VAT1L: variants seen among roughly 807,000 people sequenced by gnomAD.
VAT1L encodes the protein putative NADPH-dependent quinone oxidoreductase VAT1L.
A neutral mutation model predicts 44.1 loss-of-function variants in VAT1L; 34 were observed. The observed-to-expected ratio is 0.77, with a 90% confidence interval of 0.59 to 1.03. VAT1L has a LOEUF of 1.03. Ranked by LOEUF, VAT1L falls within the 50% of genes least tolerant of loss-of-function variation. The pLI, the probability that VAT1L is intolerant of heterozygous loss-of-function variation, is 0.00. For synonymous variants in VAT1L, 253 were observed against 202.2 expected (o/e 1.25, Z -2.13); for missense variants, 615 against 538.8 (o/e 1.14, Z -1.40).
intron 7 of VAT1L, among the ~76,000 whole-genome samples, chr16:77,900,908 T>C (rs1402492423): frequency 6.6e-6 from 1 of 152,026 alleles, no homozygotes; most frequent in East Asian, 1.9e-4. Flanking sequence ...ATTAAGGGCA[T>C]GTTATGATGC....
intron 2 of VAT1L, among the ~76,000 whole-genome samples, chr16:77,821,272 A>G (rs1425934269): frequency 6.6e-6 from 1 of 151,616 alleles, no homozygotes; most frequent in Non-Finnish European, 1.5e-5. Flanking sequence ...TATATAAGGA[A>G]TTAGGTGGAC....
intron 3 of VAT1L, among the ~76,000 whole-genome samples, chr16:77,861,074 C>A (rs546891232): frequency 6.6e-6 from 1 of 152,236 alleles, no homozygotes; most frequent in East Asian, 1.9e-4. Context: ...GATGATCTTC[C>A]AACTCTGACA....
Position 77,935,517 on chromosome 16 carries a change from C to G in VAT1L, c.1078-36333C>G, listed in dbSNP as rs990666969. Among the ~76,000 whole-genome samples, 7 of 136,074 alleles carry G rather than the reference C, an allele frequency of 5.1e-5. No individual in the cohort carries two copies. In the South Asian group the frequency reaches 7.2e-4, roughly 14 times the overall value. 89.3% of individuals were successfully genotyped at this position (136,074 alleles called of 152,430 possible). A position where few individuals can be genotyped will look rare whatever the true frequency, so the allele number is the denominator to read the frequency against. ...CGGTTTATAAAAAAAAAAAAAAAAA[C>G]TACCCTTATTCCAAATTTAAGAGGC... On this transcript the variant is annotated intron_variant, in intron 7 of 8. Transcript: ENST00000302536.
At chr16:77,790,751 G>A (rs1322302919) in intron 1 of VAT1L, among the ~76,000 whole-genome samples, 1 of 152,176 alleles carries the variant, frequency 6.6e-6, no homozygotes, top group Non-Finnish European at 1.5e-5. Context: ...TTCAGAGAGG[G>A]AAAATGATAA....
intron 3 of VAT1L, among the ~76,000 whole-genome samples, chr16:77,831,679 T>C (rs1168279993): frequency 6.6e-6 from 1 of 152,154 alleles, no homozygotes; most frequent in Admixed American, 6.5e-5. Flanking sequence ...AAAGGAGCTA[T>C]GAGAAATACA....
intron 7 of VAT1L, among the ~76,000 whole-genome samples, chr16:77,924,483 C>A (rs1349123481): frequency 6.6e-6 from 1 of 152,020 alleles, no homozygotes; most frequent in Admixed American, 6.6e-5. Flanking sequence ...TTTCCTGAGA[C>A]AGAGTCTTGC....
At chr16:77,865,476 C>A (rs986265927) in intron 4 of VAT1L, among the ~76,000 whole-genome samples, 1 of 152,136 alleles carries the variant, frequency 6.6e-6, no homozygotes, top group African/African-American at 2.4e-5. Flanking sequence ...TCCAGCAATG[C>A]CATCTTGAGA....
chr16:77,845,954 G>A (rs1045674280), intron 3 of VAT1L, among the ~76,000 whole-genome samples: 1 of 152,080 alleles, frequency 6.6e-6, no homozygotes, highest in African/African-American at 2.4e-5. Flanking sequence ...TATATCCCAG[G>A]CACTAATGTG....
In VAT1L at chr16:77,884,860, G is replaced by C; in HGVS notation, c.1077+58G>C. 2.8e-6 allele frequency: 4 copies of C among 1,416,740 alleles called. No homozygotes were observed. The South Asian group carries it at 4.8e-5, about 17-fold the overall frequency. The allele number at this position is 1,416,740 out of a possible 1,614,324, so 87.8% of individuals were successfully genotyped here. A position where few individuals can be genotyped will look rare whatever the true frequency, so the allele number is the denominator to read the frequency against. On this transcript the variant is annotated intron_variant, in intron 7 of 8. Coordinates refer to ENST00000302536, the MANE Select transcript of VAT1L (RefSeq NM_020927.3). The surrounding 1 kb of genome is among the most constrained non-coding windows in gnomAD (Gnocchi z 4.5). ...TCCTCTTTTTAACTCAGGAAGGTTT[G>C]GGCAGCCAAATACAATCTTCTACTA... is the stretch of plus-strand genomic sequence containing the variant.
chr16:77,795,685 C>T (rs534922618), intron 1 of VAT1L, among the ~76,000 whole-genome samples: 13 of 152,212 alleles, frequency 8.5e-5, no homozygotes, highest in African/African-American at 2.4e-5. Context: ...TCAGCGCAGA[C>T]GGGGAGGAAG....
In VAT1L at chr16:77,953,790, C is replaced by T. The variant is rs559312362; in HGVS notation, c.1078-18060C>T. On this transcript the variant is annotated intron_variant, in intron 7 of 8. Transcript: ENST00000302536. ...AGATTATGGGCATGAGCCATCTTGC[C>T]CAGCCTGATTTGCATGTCTTAATTT... Among the ~76,000 whole-genome samples the T allele has an allele frequency of 3.3e-5, 5 of 152,208 alleles. No individual in the cohort carries two copies. In the South Asian group the frequency reaches 1.0e-3, roughly 32 times the overall value.
chr16:77,797,679 T>A (rs755665704), intron 1 of VAT1L, among the ~76,000 whole-genome samples: 3 of 152,044 alleles, frequency 2.0e-5, no homozygotes, highest in Non-Finnish European at 4.4e-5. Flanking sequence ...TCACTGACAC[T>A]CAACACTGAC....
At chr16:77,852,390 T>G (rs1382679612) in intron 3 of VAT1L, among the ~76,000 whole-genome samples, 1 of 152,248 alleles carries the variant, frequency 6.6e-6, no homozygotes, top group East Asian at 1.9e-4. Flanking sequence ...GAGGGGGATC[T>G]GATCAGGCGT....
At chr16:77,945,645 A>G (rs1435409718) in intron 7 of VAT1L, among the ~76,000 whole-genome samples, 1 of 152,048 alleles carries the variant, frequency 6.6e-6, no homozygotes, top group East Asian at 1.9e-4. Context: ...CATATTCAAC[A>G]GAGACATTTA....
chr16:77,842,044 C>T (rs1039247219), intron 3 of VAT1L, among the ~76,000 whole-genome samples: 29 of 152,220 alleles, frequency 1.9e-4, no homozygotes, highest in Admixed American at 1.6e-3. Flanking sequence ...CCCGCCACCA[C>T]GCCTGGCTAA....
At chr16:77,811,776 C>T (rs1567472789) in intron 1 of VAT1L, among the ~76,000 whole-genome samples, 1 of 152,156 alleles carries the variant, frequency 6.6e-6, no homozygotes, top group Non-Finnish European at 1.5e-5. Context: ...TACTAGGTAA[C>T]AGAAAAGAAA....
At chr16:77,850,492 T>C (rs746528520) in intron 3 of VAT1L, among the ~76,000 whole-genome samples, 1 of 152,172 alleles carries the variant, frequency 6.6e-6, no homozygotes, top group African/African-American at 2.4e-5. Flanking sequence ...TTAGGATGAC[T>C]ATATGACCCT....
At chr16:77,809,968 G>C (rs576329453) in intron 1 of VAT1L, among the ~76,000 whole-genome samples, 1 of 152,136 alleles carries the variant, frequency 6.6e-6, no homozygotes, top group African/African-American at 2.4e-5. Flanking sequence ...ATTTTCACAG[G>C]CTACAAATCC....
chr16:77,809,793 GA>G (rs1361409483), intron 1 of VAT1L, among the ~76,000 whole-genome samples: 1 of 152,170 alleles, frequency 6.6e-6, no homozygotes, highest in Non-Finnish European at 1.5e-5. Flanking sequence ...AGAATCATGA[GA>G]GCTCCAGATT....
Sources: gnomAD v4.1 joint callset for allele counts (sites outside exome capture counted in the v4.1 genomes callset) on GRCh38, gnomAD v4.1.1 for gene constraint, Gnocchi (gnomAD v3.1) non-coding constraint, MANE v1.5 for transcripts, NCBI Gene and HGNC (gene_info 2026-07-23, HGNC 2026-07-21) for gene names.